The following ELP4 variants were observed in gnomAD, a reference collection of about 807,000 sequenced individuals.
ELP4 encodes elongator acetyltransferase complex subunit 4, also known as elongator complex protein 4.
A neutral mutation model predicts 48.9 loss-of-function variants in ELP4; 51 were observed. That is an observed-to-expected ratio of 1.04 (90% CI 0.83 to 1.32). The LOEUF (loss-of-function observed/expected upper bound fraction) is 1.32, where lower values mean the gene tolerates loss of function less well. Among genes scored for constraint, ELP4 ranks in the 40% most tolerant of loss-of-function variants. The pLI is 0.00. For missense variants in ELP4, 519 were observed against 514.6 expected (o/e 1.01, Z -0.08); for synonymous variants, 210 against 189.2 (o/e 1.11, Z -0.90).
At chr11:31,643,082 T>C (rs1945131073) in intron 7 of ELP4, among the ~76,000 whole-genome samples, 1 of 151,846 alleles carries the variant, frequency 6.6e-6, no homozygotes, top group Non-Finnish European at 1.5e-5. Context: ...AACTGTTGAT[T>C]ATGACATACT....
Position 31,756,901 on chromosome 11 carries a change from C to T in ELP4, c.1144-26492C>T, listed in dbSNP as rs370244729. 2.6e-5 allele frequency among the ~76,000 whole-genome samples: 4 copies of T among 152,282 alleles called. No individual in the cohort carries two copies. The South Asian group carries it at 6.2e-4, about 24-fold the overall frequency. Reference sequence around the variant, plus strand: ...AGAAAGCTGTCCACTGCGGCATAAACGATGGCTGATAACAATGGTATTGAG... The same window carrying T: ...AGAAAGCTGTCCACTGCGGCATAAATGATGGCTGATAACAATGGTATTGAG... On this transcript the variant is annotated intron_variant, in intron 9 of 9. Transcript: ENST00000640961.
intron 9 of ELP4, among the ~76,000 whole-genome samples, chr11:31,699,714 A>G (rs1212283130): frequency 1.3e-5 from 2 of 152,116 alleles, no homozygotes; most frequent in African/African-American, 2.4e-5. Flanking sequence ...ACAGTGGAGA[A>G]ATTTTCTGAA....
intron 9 of ELP4, among the ~76,000 whole-genome samples, chr11:31,669,637 T>G (rs548635367): frequency 6.6e-6 from 1 of 152,288 alleles, no homozygotes; most frequent in South Asian, 2.1e-4. Context: ...AACTGTCTTT[T>G]TCTTCCTCAG....
intron 3 of ELP4, among the ~76,000 whole-genome samples, chr11:31,562,641 TAGC>T (rs1957040243): frequency 6.6e-6 from 1 of 152,202 alleles, no homozygotes. Context: ...CTTTTTGTAA[TAGC>T]AGTGATATTG....
chr11:31,751,300 T>A (rs1302828696), intron 9 of ELP4, among the ~76,000 whole-genome samples: 1 of 152,248 alleles, frequency 6.6e-6, no homozygotes. Flanking sequence ...CCTCTACATA[T>A]GTCCAGCACT....
chr11:31,666,635 T>A (rs1201998302), intron 9 of ELP4, among the ~76,000 whole-genome samples: 1 of 146,294 alleles, frequency 6.8e-6, no homozygotes, highest in Non-Finnish European at 1.5e-5. Context: ...GAGATTGCAG[T>A]GAGCCGAGAT....
chr11:31,714,178 A>G (rs1439692186), intron 9 of ELP4, among the ~76,000 whole-genome samples: 1 of 152,206 alleles, frequency 6.6e-6, no homozygotes, highest in Admixed American at 6.5e-5. Flanking sequence ...AATACATTTT[A>G]GTAACAGTTA....
chr11:31,738,541 G>A (rs1432736508), intron 9 of ELP4, among the ~76,000 whole-genome samples: 2 of 151,000 alleles, frequency 1.3e-5, no homozygotes, highest in Non-Finnish European at 3.0e-5. Context: ...TTCGAAACAA[G>A]CCTGGGCAAC....
chr11:31,592,115 A>G (rs2133986126), intron 3 of ELP4, among the ~76,000 whole-genome samples: 1 of 152,274 alleles, frequency 6.6e-6, no homozygotes, highest in African/African-American at 2.4e-5. Context: ...TGATTTCTAA[A>G]TGGGTGTGCA....
At chr11:31,719,159 C>T (rs776328385) in intron 9 of ELP4, among the ~76,000 whole-genome samples, 2 of 151,404 alleles carry the variant, frequency 1.3e-5, no homozygotes, top group African/African-American at 4.9e-5. Flanking sequence ...CTCTGAGAGG[C>T]TGAGGGGAGG....
chr11:31,650,018 G>A (rs373641494), intron 8 of ELP4, 97 bp from the exon 9 acceptor site: 5 of 517,616 alleles, frequency 9.7e-6, no homozygotes, highest in Admixed American at 6.9e-5. Flanking sequence ...GAGGATGCTT[G>A]TGTGTAAATT....
intron 5 of ELP4, among the ~76,000 whole-genome samples, chr11:31,619,970 A>T (rs1944584692): frequency 6.6e-6 from 1 of 152,038 alleles, no homozygotes; most frequent in Non-Finnish European, 1.5e-5. Context: ...CAGGTAGAAA[A>T]TGTGTGCTAG....
In ELP4 at chr11:31,638,444, G is replaced by A. The variant is rs775995512; in HGVS notation, c.927+6039G>A. Among the ~76,000 whole-genome samples, 12 of 151,770 alleles carry A rather than the reference G, an allele frequency of 7.9e-5. No homozygotes were observed. In the East Asian group the frequency reaches 2.1e-3, roughly 27 times the overall value. ...ATTCAATTTTTGTCATATACCCACTGTTTTATAATAATTTGATCTGTAGAA... is the reference window on the plus strand; with the variant it reads ...ATTCAATTTTTGTCATATACCCACTATTTTATAATAATTTGATCTGTAGAA... On this transcript the variant is annotated intron_variant, in intron 7 of 9. Transcript: ENST00000640961.
intron 9 of ELP4, among the ~76,000 whole-genome samples, chr11:31,743,692 C>T (rs1303045818): frequency 6.6e-6 from 1 of 151,904 alleles, no homozygotes; most frequent in African/African-American, 2.4e-5. Context: ...ATGTTCTTTG[C>T]AACCAACGAG....
At chr11:31,670,162 T>C (rs1945779160) in intron 9 of ELP4, among the ~76,000 whole-genome samples, 1 of 152,166 alleles carries the variant, frequency 6.6e-6, no homozygotes, top group Non-Finnish European at 1.5e-5. Context: ...TTAGCTAATC[T>C]ATATTATCTC....
At chr11:31,703,142 T>C (rs193270426) in intron 9 of ELP4, among the ~76,000 whole-genome samples, 2 of 152,310 alleles carry the variant, frequency 1.3e-5, no homozygotes, top group East Asian at 3.9e-4. Flanking sequence ...GCATGACACA[T>C]GCAGAGGATC....
chr11:31,591,431 G>C (rs1030064270), intron 3 of ELP4, among the ~76,000 whole-genome samples: 1 of 142,486 alleles, frequency 7.0e-6, no homozygotes, highest in Non-Finnish European at 1.5e-5. Context: ...AAGGGGGGGG[G>C]GGGGTATAAA....
chr11:31,735,944 A>G (rs897496991), intron 9 of ELP4, among the ~76,000 whole-genome samples: 4 of 152,164 alleles, frequency 2.6e-5, no homozygotes, highest in East Asian at 1.9e-4. Flanking sequence ...CAAGCTACCA[A>G]TGACTTTCTT....
chr11:31,644,297 G>A (rs1210980638), intron 7 of ELP4, among the ~76,000 whole-genome samples: 3 of 151,718 alleles, frequency 2.0e-5, no homozygotes, highest in East Asian at 3.9e-4. Context: ...GAAATGTTCC[G>A]TACTGGAAAC....
Sources: gnomAD v4.1 joint callset for allele counts (sites outside exome capture counted in the v4.1 genomes callset) on GRCh38, gnomAD v4.1.1 for gene constraint, MANE v1.5 for transcripts, NCBI Gene and HGNC (gene_info 2026-07-23, HGNC 2026-07-21) for gene names.